The following SHLD1 variants were observed in gnomAD, a reference collection of about 807,000 sequenced individuals.
SHLD1 encodes RINN1-REV7-interacting novel NHEJ regulator 3.
Under a neutral mutation model 5.5 loss-of-function variants are expected in SHLD1, and 3 were observed. That is an observed-to-expected ratio of 0.54 (90% CI 0.25 to 1.40). The LOEUF (loss-of-function observed/expected upper bound fraction) is 1.40, where lower values mean the gene tolerates loss of function less well. SHLD1 is among the 40% of genes most tolerant of loss of function. The probability of loss-of-function intolerance (pLI) is 0.15; values close to 1 mark genes in which losing one functional copy is unlikely to be tolerated. For synonymous variants in SHLD1, 92 were observed against 94.3 expected (o/e 0.98, Z 0.14); for missense variants, 210 against 244.4 (o/e 0.86, Z 0.94).
chr20:5,810,521 A>AT (rs1341259246), intron 2 of SHLD1, among the ~76,000 whole-genome samples: 2 of 152,022 alleles, frequency 1.3e-5, no homozygotes, highest in Non-Finnish European at 2.9e-5. Flanking sequence ...TTGCACATAT[A>AT]TTTTTTAAGT....
At chr20:5,814,185 A>G (rs1175388984) in intron 2 of SHLD1, among the ~76,000 whole-genome samples, 3 of 151,588 alleles carry the variant, frequency 2.0e-5, no homozygotes, top group African/African-American at 7.3e-5. Context: ...TGAACTCCTG[A>G]GCTCAAGCGA....
intron 2 of SHLD1, among the ~76,000 whole-genome samples, chr20:5,808,110 T>C (rs1278567861): frequency 1.3e-5 from 2 of 152,090 alleles, no homozygotes; most frequent in African/African-American, 2.4e-5. Flanking sequence ...TGAGACCCTG[T>C]CTTTACTAAA....
chr20:5,803,106 A>G (rs1270397951), intron 2 of SHLD1, among the ~76,000 whole-genome samples: 1 of 152,070 alleles, frequency 6.6e-6, no homozygotes, highest in Non-Finnish European at 1.5e-5. Flanking sequence ...ATTCCTGAAG[A>G]CCAGGGGGCC....
chr20:5,792,037 T>A (rs2087148719), intron 2 of SHLD1, among the ~76,000 whole-genome samples: 1 of 152,210 alleles, frequency 6.6e-6, no homozygotes, highest in Non-Finnish European at 1.5e-5. Context: ...CCTTTGCCTA[T>A]TTTTAAAATT....
intron 2 of SHLD1, among the ~76,000 whole-genome samples, chr20:5,853,311 T>C (rs2088035693): frequency 6.6e-6 from 1 of 152,132 alleles, no homozygotes; most frequent in African/African-American, 2.4e-5. Context: ...CTGGGTGTGA[T>C]GGTGCACGCC....
chr20:5,771,053 A>G (rs918346975), intron 1 of SHLD1, among the ~76,000 whole-genome samples: 2 of 152,208 alleles, frequency 1.3e-5, no homozygotes, highest in African/African-American at 2.4e-5. Flanking sequence ...GAACACAAGC[A>G]TAAATAATTT....
rs561719804 is a variant in SHLD1 at position 5,763,022 on chromosome 20, T to G, written c.-4-9840T>G. ...CCTAATTGCCACAAAGAAGTGTGTC[T>G]GTGGCTGGGCACAGTGGCTCACGCC... On this transcript the variant is annotated intron_variant, in intron 1 of 2. Coordinates refer to ENST00000303142, the MANE Select transcript of SHLD1 (RefSeq NM_152504.4). Among the ~76,000 whole-genome samples the G allele has an allele frequency of 4.7e-5, 7 of 150,518 alleles. No individual in the cohort carries two copies. In the East Asian group the frequency reaches 9.8e-4, roughly 21 times the overall value.
At chr20:5,755,706 C>T (rs113618029) in intron 1 of SHLD1, among the ~76,000 whole-genome samples, 4,482 of 152,012 alleles carry the variant, frequency 0.029, 97 homozygotes, top group Non-Finnish European at 0.044. Flanking sequence ...ATTACAGGCA[C>T]GCACCACCGC....
chr20:5,762,250 A>AAAAAAAATTCTT (rs1984509697), intron 1 of SHLD1, among the ~76,000 whole-genome samples: 1 of 152,004 alleles, frequency 6.6e-6, no homozygotes, highest in African/African-American at 2.4e-5. Flanking sequence ...TCTCAGAAAA[A>AAAAAAAATTCTT]AAAAAAATTC....
At chr20:5,840,476 T>C (rs2087844487) in intron 2 of SHLD1, among the ~76,000 whole-genome samples, 1 of 152,186 alleles carries the variant, frequency 6.6e-6, no homozygotes, top group African/African-American at 2.4e-5. Context: ...GACCTTCATT[T>C]TTTGCTGGTA....
At chr20:5,830,407 C>T (rs1276508492) in intron 2 of SHLD1, among the ~76,000 whole-genome samples, 2 of 152,138 alleles carry the variant, frequency 1.3e-5, no homozygotes, top group African/African-American at 2.4e-5. Context: ...TGGCCAGATG[C>T]GGTGGCTCAC....
At chr20:5,787,462 G>A (rs1323466714) in intron 2 of SHLD1, among the ~76,000 whole-genome samples, 1 of 152,156 alleles carries the variant, frequency 6.6e-6, no homozygotes, top group Non-Finnish European at 1.5e-5. Flanking sequence ...TTGGCTTTTG[G>A]TAACATGCTT....
intron 2 of SHLD1, among the ~76,000 whole-genome samples, chr20:5,839,988 C>T (rs1344405145): frequency 6.6e-6 from 1 of 152,144 alleles, no homozygotes; most frequent in African/African-American, 2.4e-5. Flanking sequence ...CATCTGTTTG[C>T]ATTTTGAAGA....
chr20:5,828,106 A>G (rs950298781), intron 2 of SHLD1, among the ~76,000 whole-genome samples: 11 of 152,242 alleles, frequency 7.2e-5, no homozygotes, highest in African/African-American at 1.2e-4. Context: ...TGCATGTTGT[A>G]TGTAACCAAG....
intron 2 of SHLD1, among the ~76,000 whole-genome samples, chr20:5,780,940 C>T (rs535608100): frequency 6.6e-6 from 1 of 152,298 alleles, no homozygotes; most frequent in East Asian, 1.9e-4. Context: ...AAATTAGTAG[C>T]AAGGACATGA....
intron 2 of SHLD1, among the ~76,000 whole-genome samples, chr20:5,847,374 G>A (rs2087944661): frequency 6.6e-6 from 1 of 152,030 alleles, no homozygotes; most frequent in Non-Finnish European, 1.5e-5. Context: ...ATGCCGTGAG[G>A]GTTGTTTTGC....
chr20:5,862,994 T>A, intron 2 of SHLD1, 30 bp from the exon 3 acceptor site: 1 of 1,529,642 alleles, frequency 6.5e-7, no homozygotes, highest in Middle Eastern at 1.8e-4. Context: ...GATTGTGTGT[T>A]TGAGTATTGG....
At chr20:5,857,023 C>T (rs111556908) in intron 2 of SHLD1, among the ~76,000 whole-genome samples, 2 of 152,220 alleles carry the variant, frequency 1.3e-5, no homozygotes, top group Non-Finnish European at 2.9e-5. Context: ...ACTCTGTCGC[C>T]CAGGCTGGAG....
intron 2 of SHLD1, among the ~76,000 whole-genome samples, chr20:5,828,915 C>T (rs1028966635): frequency 6.6e-6 from 1 of 152,120 alleles, no homozygotes; most frequent in African/African-American, 2.4e-5. Context: ...CTTTGTTACC[C>T]AGGCTGGAGT....
Sources: allele counts gnomAD v4.1 joint callset (sites outside exome capture counted in the v4.1 genomes callset), GRCh38; gene constraint gnomAD v4.1.1; transcripts MANE v1.5; gene names NCBI Gene and HGNC (gene_info 2026-07-23, HGNC 2026-07-21).